Variants in AK7 observed in about 807,000 individuals in gnomAD.
AK7 encodes adenylate kinase 7, also known as ATP-AMP transphosphorylase 7.
AK7 carries 78 observed loss-of-function variants against 96.6 expected under a neutral mutation model. That is an observed-to-expected ratio of 0.81 (90% CI 0.67 to 0.97). The LOEUF is 0.97. Ranked by LOEUF, AK7 falls within the 50% of genes least tolerant of loss-of-function variation. The probability of loss-of-function intolerance (pLI) is 0.00; values close to 1 mark genes in which losing one functional copy is unlikely to be tolerated. For synonymous variants in AK7, 302 were observed against 317.2 expected, an observed-to-expected ratio of 0.95 and a Z score of 0.51; for missense variants, 855 against 887.9, an observed-to-expected ratio of 0.96 and a Z score of 0.47.
At chr14:96,398,542 C>T (rs1399863859) in intron 2 of AK7, 1 of 435,210 alleles carries the variant, frequency 2.3e-6, no homozygotes, top group Non-Finnish European at 4.2e-6. Context: ...CATATTCTGC[C>T]TTGCATTATC....
At chr14:96,435,928 T>A (rs1375512174) in intron 5 of AK7, among the ~76,000 whole-genome samples, 1 of 152,144 alleles carries the variant, frequency 6.6e-6, no homozygotes, top group East Asian at 1.9e-4. Context: ...TTCCAAACTG[T>A]TTTTTCTGGT....
intron 12 of AK7, among the ~76,000 whole-genome samples, chr14:96,466,269 C>T (rs1258189076): frequency 2.0e-5 from 3 of 151,908 alleles, no homozygotes; most frequent in Non-Finnish European, 4.4e-5. Flanking sequence ...AGAGTCCTCG[C>T]TCTGTCACCC....
Position 96,483,190 on chromosome 14 carries a change from G to T in AK7, c.1945G>T (p.Ala649Ser). ...EREHQEAVEM[A>S]EKIARWEEWN... ...CGAGCACCAGGAGGCCGTGGAGATG[G>T]CAGAGAAGATAGCTCGCTGGGAGGA... Residue 649 changes from alanine to serine, a missense_variant, in exon 16 of 18, where the codon GCA (alanine) becomes TCA (serine). Ala to Ser is a moderately conservative substitution (Grantham distance 99, BLOSUM62 1). Coordinates refer to ENST00000267584, the MANE Select transcript of AK7 (RefSeq NM_152327.5). 6.2e-7 allele frequency: 1 copy of T among 1,610,600 alleles called. No individual in the cohort carries two copies. The highest frequency in any genetic ancestry group is 8.5e-7 in the Non-Finnish European group (1 of 1,178,492).
At chr14:96,456,564 G>T in intron 11 of AK7, 89 bp downstream of exon 11, 1 of 1,465,806 alleles carries the variant, frequency 6.8e-7, no homozygotes, top group Non-Finnish European at 9.3e-7. Context: ...GAATTAGCCA[G>T]CTGGATGCAG....
chr14:96,481,986 A>G (rs28738720), intron 15 of AK7, among the ~76,000 whole-genome samples: 41,078 of 151,978 alleles, frequency 0.27, 6,157 homozygotes, highest in African/African-American at 0.42. Context: ...GTGAGCCACC[A>G]TGGCCAGCTG....
In AK7 at chr14:96,392,269, G is replaced by GGCGGCGGCCCAGAGCCTCACGCCA. The variant is rs1889790234; in HGVS notation, c.105+13_105+36dup. Reference sequence around the variant, plus strand: ...CGGAAACATCGGGAAGGTGAGCGGCGGCGGCGGCCCAGAGCCTCACGCCAG... The same window carrying GGCGGCGGCCCAGAGCCTCACGCCA: ...CGGAAACATCGGGAAGGTGAGCGGCGGCGGCGGCCCAGAGCCTCACGCCAGCGGCGGCCCAGAGCCTCACGCCAG... On this transcript the variant is annotated intron_variant, in intron 1 of 17. Transcript: ENST00000267584. The GGCGGCGGCCCAGAGCCTCACGCCA allele has an allele frequency of 6.2e-7, 1 of 1,607,042 alleles. No homozygotes were observed. Among genetic ancestry groups the GGCGGCGGCCCAGAGCCTCACGCCA allele is most frequent in the Non-Finnish European group, 8.5e-7 (1 of 1,174,030 alleles).
At chr14:96,435,615 G>A (rs1019373995) in intron 5 of AK7, among the ~76,000 whole-genome samples, 2 of 152,132 alleles carry the variant, frequency 1.3e-5, no homozygotes, top group Non-Finnish European at 2.9e-5. Context: ...CTCACCTAGA[G>A]TTGCAGTCCT....
chr14:96,463,029 C>G (rs746520250), intron 12 of AK7, among the ~76,000 whole-genome samples: 1 of 151,878 alleles, frequency 6.6e-6, no homozygotes, highest in African/African-American at 2.4e-5. Flanking sequence ...CCCAGCTACT[C>G]GGAAGGCTGA....
At position 96,428,789 on chromosome 14, in the gene AK7, C is replaced by G. The variant is rs139820573; in HGVS notation, c.609+7857C>G. On this transcript the variant is annotated intron_variant, in intron 5 of 17. Coordinates refer to ENST00000267584, the MANE Select transcript of AK7 (RefSeq NM_152327.5). ...TTGTAAAGTGTCTGTTCATATCCTT[C>G]GCCCACTTTTTGATGGGGTTGTTTG... 6.0e-5 allele frequency among the ~76,000 whole-genome samples: 9 copies of G among 151,162 alleles called. No individual in the cohort carries two copies. The East Asian group carries it at 1.7e-3, about 29-fold the overall frequency.
intron 12 of AK7, among the ~76,000 whole-genome samples, 155 bp from the exon 13 acceptor site, chr14:96,471,323 C>A (rs1461420573): frequency 6.8e-6 from 1 of 146,992 alleles, no homozygotes; most frequent in Non-Finnish European, 1.5e-5. Flanking sequence ...AGAGTGAGAC[C>A]CCGTCTCTTT....
At chr14:96,440,795 A>T (rs563858518) in intron 6 of AK7, among the ~76,000 whole-genome samples, 146 of 152,342 alleles carry the variant, frequency 9.6e-4, no homozygotes, top group Non-Finnish European at 1.0e-3. Flanking sequence ...TTCTCCAAAG[A>T]TGACTTTGAG....
Position 96,486,030 on chromosome 14 carries a change from CGCCTCG to C in AK7, c.1975-862_1975-857del, listed in dbSNP as rs1472401391. ...CGATCTCCTGACCTCGTGATCCACC[CGCCTCG>C]GCCTCCCAAAGTGCTGGGATTACAG... On this transcript the variant is annotated intron_variant, in intron 16 of 17. Coordinates refer to ENST00000267584, the MANE Select transcript of AK7 (RefSeq NM_152327.5). Among the ~76,000 whole-genome samples, 6 of 152,002 alleles carry C rather than the reference CGCCTCG, an allele frequency of 3.9e-5. No individual in the cohort carries two copies. The South Asian group carries it at 1.0e-3, about 26-fold the overall frequency.
At chr14:96,420,953 C>A (rs747649420) in intron 5 of AK7, 21 bp downstream of exon 5, 2 of 1,463,968 alleles carry the variant, frequency 1.4e-6, no homozygotes, top group Non-Finnish European at 1.9e-6. Context: ...CATAGTGGAA[C>A]ATGGACATCA....
intron 14 of AK7, among the ~76,000 whole-genome samples, chr14:96,478,123 A>C (rs1025766800): frequency 7.0e-6 from 1 of 141,874 alleles, no homozygotes; most frequent in African/African-American, 2.5e-5. Flanking sequence ...TTTGCTACTT[A>C]TGATTTCTGC....
chr14:96,416,661 A>C (rs1017577974), intron 4 of AK7, among the ~76,000 whole-genome samples: 4 of 152,210 alleles, frequency 2.6e-5, no homozygotes, highest in African/African-American at 9.6e-5. Context: ...CTTACCCTTT[A>C]CTGGAAAGAC....
chr14:96,402,174 C>T (rs1407730536), intron 2 of AK7, among the ~76,000 whole-genome samples: 1 of 140,610 alleles, frequency 7.1e-6, no homozygotes, highest in East Asian at 2.0e-4. Context: ...CAAGAAAGTG[C>T]ATACACAGAT....
chr14:96,470,673 C>G (rs911980376), intron 12 of AK7, among the ~76,000 whole-genome samples: 6 of 152,132 alleles, frequency 3.9e-5, no homozygotes, highest in African/African-American at 1.4e-4. Flanking sequence ...TTTTCTGAAG[C>G]ATTACAGAGA....
At chr14:96,478,772 G>A in intron 15 of AK7, 110 bp downstream of exon 15, 1 of 1,092,548 alleles carries the variant, frequency 9.2e-7, no homozygotes, top group Non-Finnish European at 1.3e-6. Flanking sequence ...TGTAATCATG[G>A]GTTGGGGCAC....
intron 4 of AK7, among the ~76,000 whole-genome samples, chr14:96,410,315 A>G (rs576557403): frequency 2.2e-3 from 334 of 152,266 alleles, no homozygotes; most frequent in Non-Finnish European, 4.0e-3. Flanking sequence ...CTAAGTGTCC[A>G]CTATAAAACA....
Sources: allele counts gnomAD v4.1 joint callset (sites outside exome capture counted in the v4.1 genomes callset), GRCh38; gene constraint gnomAD v4.1.1; transcripts MANE v1.5; gene names NCBI Gene and HGNC (gene_info 2026-07-23, HGNC 2026-07-21).